NFATC2: variants seen among roughly 807,000 people sequenced by gnomAD.
NFATC2 encodes nuclear factor of activated T cells 2.
Under a neutral mutation model 87.3 loss-of-function variants are expected in NFATC2, and 22 were observed. That is an observed-to-expected ratio of 0.25 (90% CI 0.18 to 0.36). The LOEUF is 0.36. NFATC2 is among the 10% of genes least tolerant of loss of function. The pLI, the probability that NFATC2 is intolerant of heterozygous loss-of-function variation, is 1.00. For missense variants in NFATC2, 1,149 were observed against 1,259.1 expected (o/e 0.91, Z 1.32); for synonymous variants, 565 against 542.2 (o/e 1.04, Z -0.58).
Position 51,432,440 on chromosome 20 carries a change from A to G in NFATC2, c.2349T>C (p.Ser783=). Residue 783 remains serine (S), a synonymous_variant, in exon 9 of 11, where the codon TCT becomes TCC. Coordinates refer to ENST00000371564, the MANE Select transcript of NFATC2 (RefSeq NM_012340.5). The surrounding 1 kb of genome is among the most constrained non-coding windows in gnomAD (Gnocchi z 4.6). ...APLSLADAHR[S]VLVHAGSQGQ... ...CCTGGGAGCCGGCGTGCACCAGCAC[A>G]GAGCGGTGAGCGTCCGCAAGGGACA... The G allele has an allele frequency of 6.3e-7, 1 of 1,575,982 alleles. No homozygotes were observed. Among genetic ancestry groups the G allele is most frequent in the Non-Finnish European group, 8.6e-7 (1 of 1,158,978 alleles).
At chr20:51,444,749 T>G (rs1208319696) in intron 6 of NFATC2, among the ~76,000 whole-genome samples, 4 of 152,180 alleles carry the variant, frequency 2.6e-5, no homozygotes, top group African/African-American at 9.7e-5. Context: ...TTCAGTCTGC[T>G]CTTTATGACT....
At chr20:51,537,603 A>T (rs1334063980) in intron 1 of NFATC2, among the ~76,000 whole-genome samples, 5 of 152,188 alleles carry the variant, frequency 3.3e-5, no homozygotes, top group Non-Finnish European at 5.9e-5. Flanking sequence ...GCATCTCTGG[A>T]GGTGACCAGG....
intron 3 of NFATC2, among the ~76,000 whole-genome samples, chr20:51,494,623 C>T (rs8123133): frequency 0.03 from 4,563 of 152,228 alleles, 207 homozygotes; most frequent in African/African-American, 0.1. Flanking sequence ...GAGGGACTGG[C>T]ACTTGGCTTC....
In NFATC2 at chr20:51,480,067, C is replaced by T. The variant is rs376463845; in HGVS notation, c.1333-4407G>A. 9.2e-5 allele frequency among the ~76,000 whole-genome samples: 14 copies of T among 152,252 alleles called. No individual in the cohort carries two copies. Among genetic ancestry groups the T allele is most frequent in the African/African-American group, 3.4e-4 (14 of 41,542 alleles). ...CTTTGGGAGGCTGAGGTGGGCAGAT[C>T]ACTTGACGTCAGGAGTTCAAGACCA... On this transcript the variant is annotated intron_variant, in intron 3 of 10. Coordinates refer to ENST00000371564, the MANE Select transcript of NFATC2 (RefSeq NM_012340.5). This position sits in a 1 kb window ranked among gnomAD's most constrained non-coding sequence, Gnocchi z 4.2.
intron 1 of NFATC2, among the ~76,000 whole-genome samples, chr20:51,557,450 C>A (rs1013139717): frequency 6.6e-6 from 1 of 152,166 alleles, no homozygotes; most frequent in Non-Finnish European, 1.5e-5. Context: ...TGGTGCCTGA[C>A]ACACGGTTGA....
upstream of NFATC2, chr20:51,562,756 C>A: frequency 1.1e-6 from 1 of 869,588 alleles, no homozygotes; most frequent in Admixed American, 2.4e-5. This position sits in a 1 kb window ranked among gnomAD's most constrained non-coding sequence, Gnocchi z 5.8. Context: ...AGCCTCGGAG[C>A]GACCCGGGAG....
chr20:51,469,915 T>C (rs1047428424), intron 5 of NFATC2, among the ~76,000 whole-genome samples: 1 of 152,210 alleles, frequency 6.6e-6, no homozygotes, highest in African/African-American at 2.4e-5. Context: ...TCAAGCCACC[T>C]GGTTTGCAGT....
At chr20:51,532,566 C>G (rs544856286) in intron 1 of NFATC2, among the ~76,000 whole-genome samples, 1 of 152,220 alleles carries the variant, frequency 6.6e-6, no homozygotes. Context: ...TAAAAATCCA[C>G]TCAGGCCACA....
chr20:51,534,882 C>A (rs1037623621), intron 1 of NFATC2, among the ~76,000 whole-genome samples: 1 of 152,204 alleles, frequency 6.6e-6, no homozygotes, highest in Non-Finnish European at 1.5e-5. Context: ...GTATATGTCT[C>A]ACTTATTTGG....
intron 2 of NFATC2, among the ~76,000 whole-genome samples, chr20:51,517,620 C>A (rs891781519): frequency 7.9e-5 from 12 of 151,186 alleles, no homozygotes; most frequent in Admixed American, 2.6e-4. Flanking sequence ...AAAACAAAAC[C>A]AAAAAACAAC....
intron 10 of NFATC2, among the ~76,000 whole-genome samples, chr20:51,392,592 CTG>C (rs1986485415): frequency 6.6e-6 from 1 of 152,240 alleles, no homozygotes; most frequent in African/African-American, 2.4e-5. Context: ...GTAGACCATA[CTG>C]ACTAGTCGTG....
chr20:51,403,827 G>T (rs1988297062), intron 9 of NFATC2, among the ~76,000 whole-genome samples: 1 of 152,182 alleles, frequency 6.6e-6, no homozygotes, highest in Non-Finnish European at 1.5e-5. Context: ...ATTGTGAGAA[G>T]ATAAATTTCT....
intron 1 of NFATC2, among the ~76,000 whole-genome samples, chr20:51,559,152 C>T (rs2077001635): frequency 1.3e-5 from 2 of 152,236 alleles, no homozygotes; most frequent in South Asian, 2.1e-4. Context: ...GTACAGAAAG[C>T]AGCATGGGCT....
At chr20:51,531,748 C>T (rs924551545) in intron 1 of NFATC2, among the ~76,000 whole-genome samples, 1 of 152,206 alleles carries the variant, frequency 6.6e-6, no homozygotes, top group Non-Finnish European at 1.5e-5. Context: ...GTAAATGGGG[C>T]CTACTGGATT....
intron 1 of NFATC2, among the ~76,000 whole-genome samples, chr20:51,541,699 C>T (rs994638865): frequency 1.5e-4 from 23 of 152,168 alleles, no homozygotes; most frequent in Admixed American, 1.2e-3. Flanking sequence ...GACCAATCCT[C>T]TTGTGAGTGG....
At position 51,388,471 on chromosome 20, in the gene NFATC2, T is replaced by C. The variant is rs1290125017; in HGVS notation, c.*3025A>G. On this transcript the variant is annotated 3_prime_UTR_variant, in exon 11 of 11. Transcript: ENST00000371564. ...ATGGGTTTTTGTTTCCTGGAATGAG[T>C]AACAAATGTTTCAAGAATACATCAT... The C allele has an allele frequency of 6.6e-6, 1 of 150,420 alleles. No homozygotes were observed. Among genetic ancestry groups the C allele is most frequent in the Non-Finnish European group, 1.5e-5 (1 of 67,862 alleles). 9.3% of individuals were successfully genotyped at this position (150,420 alleles called of 1,614,324 possible).
chr20:51,464,996 C>T (rs1474185357), intron 5 of NFATC2, among the ~76,000 whole-genome samples: 1 of 151,606 alleles, frequency 6.6e-6, no homozygotes, highest in African/African-American at 2.4e-5. Flanking sequence ...ACACCTCTTC[C>T]CTGTCCTGTC....
chr20:51,448,949 G>A (rs1985434341), intron 6 of NFATC2, among the ~76,000 whole-genome samples: 1 of 152,118 alleles, frequency 6.6e-6, no homozygotes, highest in African/African-American at 2.4e-5. Context: ...TCTAACTTAA[G>A]AAACACCACG....
intron 3 of NFATC2, among the ~76,000 whole-genome samples, chr20:51,512,093 C>T (rs2076280682): frequency 6.6e-6 from 1 of 152,196 alleles, no homozygotes. Flanking sequence ...AGACAGAGAG[C>T]ACGGAGGAGG....
Sources: gnomAD v4.1 joint callset for allele counts (sites outside exome capture counted in the v4.1 genomes callset) on GRCh38, gnomAD v4.1.1 for gene constraint, Gnocchi (gnomAD v3.1) non-coding constraint, MANE v1.5 for transcripts, NCBI Gene and HGNC (gene_info 2026-07-23, HGNC 2026-07-21) for gene names.